The following GALNS variants were observed in gnomAD, a reference collection of about 807,000 sequenced individuals.
GALNS encodes the protein galactosamine (N-acetyl)-6-sulfatase.
A neutral mutation model predicts 65.9 loss-of-function variants in GALNS; 65 were observed. The ratio of observed to expected loss-of-function variants is 0.99; its 90% CI spans 0.81 to 1.21. The LOEUF is 1.21. Ranked by LOEUF, GALNS falls within the 50% of genes most tolerant of loss-of-function variation. The pLI, the probability that GALNS is intolerant of heterozygous loss-of-function variation, is 0.00. For synonymous variants in GALNS, 346 were observed against 288.9 expected, an observed-to-expected ratio of 1.20 and a Z score of -2.00; for missense variants, 776 against 700.7, an observed-to-expected ratio of 1.11 and a Z score of -1.21.
intron 1 of GALNS, among the ~76,000 whole-genome samples, chr16:88,850,521 G>A (rs987047746): frequency 2.6e-5 from 4 of 152,186 alleles, no homozygotes; most frequent in Admixed American, 6.5e-5. Context: ...CAGGGCTTGA[G>A]GGAGGGGGCT....
intron 12 of GALNS, among the ~76,000 whole-genome samples, chr16:88,821,962 G>C (rs1219339784): frequency 6.6e-6 from 1 of 152,118 alleles, no homozygotes; most frequent in African/African-American, 2.4e-5. Flanking sequence ...GAAGCCTCCA[G>C]GTAGCCCTAG....
Position 88,846,500 on chromosome 16 carries a change from C to T in GALNS, c.121-3671G>A, listed in dbSNP as rs184986091. 3.7e-3 allele frequency among the ~76,000 whole-genome samples: 525 copies of T among 140,314 alleles called. 2 individuals carry two copies. The highest frequency in any genetic ancestry group is 0.013 in the African/African-American group (488 of 38,280). 92.1% of individuals were successfully genotyped at this position (140,314 alleles called of 152,430 possible). A position where few individuals can be genotyped will look rare whatever the true frequency, so the allele number is the denominator to read the frequency against. ...CCGGCCTCCAGACCGAGACAGAATGCGTTTCTGGCTTTTTTTTTTTTTTTT... is the reference window on the plus strand; with the variant it reads ...CCGGCCTCCAGACCGAGACAGAATGTGTTTCTGGCTTTTTTTTTTTTTTTT... On this transcript the variant is annotated intron_variant, in intron 1 of 13. Transcript: ENST00000268695.
In GALNS at chr16:88,856,851, C is replaced by T. The variant is rs1967945460; in HGVS notation, c.27G>A (p.Arg9=). 3 of 1,513,242 alleles carry T rather than the reference C, an allele frequency of 2.0e-6. No individual in the cohort carries two copies. The highest frequency in any genetic ancestry group is 2.9e-5 in the African/African-American group (2 of 69,108). The allele number at this position is 1,513,242 out of a possible 1,614,324, so 93.7% of individuals were successfully genotyped here. A position where few individuals can be genotyped will look rare whatever the true frequency, so the allele number is the denominator to read the frequency against. The change falls in exon 1 of 14, where the codon AGG becomes AGA. Residue 9 remains arginine, a synonymous_variant. Transcript: ENST00000268695. ...TGAGCACCAGCAACAGCTGCCACCA[C>T]CTCGTCGCCGCGACAACCGCCGCCA... MAAVVAAT[R]WWQLLLVLSA... is the part of the protein sequence containing the mutation.
chr16:88,838,129 GGA>G (rs1491152699), intron 4 of GALNS, among the ~76,000 whole-genome samples: 1 of 152,180 alleles, frequency 6.6e-6, no homozygotes, highest in African/African-American at 2.4e-5. Flanking sequence ...TGAACTCCCA[GGA>G]GAGTTTTGCG....
chr16:88,816,796 T>A, intron 13 of GALNS: 13 of 985,456 alleles, frequency 1.3e-5, no homozygotes, highest in Non-Finnish European at 1.6e-5. Flanking sequence ...AGGCTTCAGC[T>A]GGGCCTTTTC....
At chr16:88,851,015 C>T (rs1254317157) in intron 1 of GALNS, among the ~76,000 whole-genome samples, 5 of 152,244 alleles carry the variant, frequency 3.3e-5, no homozygotes, top group Non-Finnish European at 7.3e-5. Context: ...CAACGTCCCA[C>T]ACGTGGGCCT....
intron 1 of GALNS, 109 bp downstream of exon 1, chr16:88,856,649 A>G: frequency 3.9e-6 from 1 of 255,262 alleles, no homozygotes. Context: ...GCCTCCCCTC[A>G]CCTCTCCCCC....
chr16:88,840,763 C>T (rs975366756), intron 4 of GALNS: 14 of 576,420 alleles, frequency 2.4e-5, no homozygotes, highest in South Asian at 7.6e-5. Flanking sequence ...AGTCTGATGC[C>T]GCAGGATACT....
intron 13 of GALNS, 196 bp from the exon 14 acceptor site, chr16:88,814,721 G>C (rs1029400638): frequency 2.7e-5 from 10 of 367,278 alleles, no homozygotes; most frequent in Non-Finnish European, 3.4e-5. Flanking sequence ...AGCCTCCTGA[G>C]TGAGTAGCTG....
Position 88,836,269 on chromosome 16 carries a change from T to G in GALNS, c.567-2A>C. The stretch of plus-strand genomic sequence containing the variant: ...TTAATAGGAAATTCTTCATAATATC[T>G]GAAAAGAACACAGATCCAGACAGAC... On this transcript the variant is annotated splice_acceptor_variant, in intron 5 of 13. Coordinates refer to ENST00000268695, the MANE Select transcript of GALNS (RefSeq NM_000512.5). LOFTEE classifies it high-confidence loss of function. 1 of 1,610,526 alleles carries G rather than the reference T, an allele frequency of 6.2e-7. No homozygotes were observed. The highest frequency in any genetic ancestry group is 8.5e-7 in the Non-Finnish European group (1 of 1,178,264).
rs529156480 is a variant in GALNS at position 88,817,061 on chromosome 16, T to G, written c.1482+946A>C. 7.1e-6 allele frequency: 7 copies of G among 985,220 alleles called. No individual in the cohort carries two copies. The African/African-American group carries it at 1.0e-4, about 15-fold the overall frequency. 61.0% of individuals were successfully genotyped at this position (985,220 alleles called of 1,614,324 possible). Reference sequence around the variant, plus strand: ...TAGAGCGAGGGCCGCACGTGTCCCATCTGAAGGAGCTGTGAAGACCTGCCC... The same window carrying G: ...TAGAGCGAGGGCCGCACGTGTCCCAGCTGAAGGAGCTGTGAAGACCTGCCC... On this transcript the variant is annotated intron_variant, in intron 13 of 13. Coordinates refer to ENST00000268695, the MANE Select transcript of GALNS (RefSeq NM_000512.5).
intron 12 of GALNS, among the ~76,000 whole-genome samples, chr16:88,819,933 C>T (rs940122828): frequency 6.6e-6 from 1 of 152,058 alleles, no homozygotes; most frequent in Admixed American, 6.5e-5. Context: ...ACCTCATGAT[C>T]TGCCTGCCTC....
rs117776466 is a variant in GALNS at position 88,824,332 on chromosome 16, C to T, written c.1242+435G>A. On this transcript the variant is annotated intron_variant, in intron 11 of 13. Transcript: ENST00000268695. The stretch of plus-strand genomic sequence containing the variant: ...GGCGGCAGGAGCCCCAGGCCCTGTG[C>T]GTGTGGCGTTTCACCCTCCCACACT... 5.6e-3 allele frequency among the ~76,000 whole-genome samples: 846 copies of T among 152,092 alleles called. 3 individuals carry two copies. Among genetic ancestry groups the T allele is most frequent in the Middle Eastern group, 0.027 (8 of 294 alleles).
At chr16:88,838,317 CG>C (rs1912356710) in intron 4 of GALNS, among the ~76,000 whole-genome samples, 1 of 152,160 alleles carries the variant, frequency 6.6e-6, no homozygotes, top group African/African-American at 2.4e-5. Context: ...GCGGGAGCCC[CG>C]GGGCCTGCCA....
intron 1 of GALNS, chr16:88,843,331 G>A: frequency 1.5e-6 from 1 of 681,772 alleles, no homozygotes; most frequent in South Asian, 1.7e-5. Context: ...TCCACTCCTA[G>A]CTGTACACCC....
rs751534350 is a variant in GALNS, at chr16:88,822,627, G to A, written c.1326C>T (p.Phe442=). The part of the protein sequence containing the change: ...LEDHTKLPLI[F]HLGRDPGERF... Reference sequence around the variant, plus strand: ...TCTCCCCTGGGTCCCGTCCCAGGTGGAAGATCAGGGGCAGCTTCGTGTGGT... The same window carrying A: ...TCTCCCCTGGGTCCCGTCCCAGGTGAAAGATCAGGGGCAGCTTCGTGTGGT... Residue 442 remains phenylalanine (F), a synonymous_variant, in exon 12 of 14, where the codon TTC becomes TTT. Transcript: ENST00000268695. 6.2e-7 allele frequency: 1 copy of A among 1,613,106 alleles called. No homozygotes were observed. The highest frequency in any genetic ancestry group is 8.5e-7 in the Non-Finnish European group (1 of 1,179,888).
chr16:88,817,855 C>G (rs998821344), intron 13 of GALNS, 152 bp downstream of exon 13: 4 of 750,372 alleles, frequency 5.3e-6, no homozygotes, highest in Non-Finnish European at 9.2e-6. Context: ...CGGACGCCGC[C>G]GCGTGTGCTC....
At chr16:88,819,732 C>T (rs1016229259) in intron 12 of GALNS, among the ~76,000 whole-genome samples, 10 of 152,248 alleles carry the variant, frequency 6.6e-5, no homozygotes, top group Non-Finnish European at 1.3e-4. Flanking sequence ...CTCGCGCTGT[C>T]ACCTAGGCTG....
At chr16:88,834,433 A>C (rs1477054612) in intron 8 of GALNS, among the ~76,000 whole-genome samples, 1 of 29,610 alleles carries the variant, frequency 3.4e-5, no homozygotes, top group African/African-American at 1.6e-4. Flanking sequence ...GGCCCCCCTC[A>C]GCGTGGTCTG....
Sources: gnomAD v4.1 joint callset for allele counts (sites outside exome capture counted in the v4.1 genomes callset) on GRCh38, gnomAD v4.1.1 for gene constraint, MANE v1.5 for transcripts, NCBI Gene and HGNC (gene_info 2026-07-23, HGNC 2026-07-21) for gene names.